BBS9: variants seen among roughly 807,000 people sequenced by gnomAD.
The protein encoded by BBS9 is Bardet-Biedl syndrome 9, also known as protein PTHB1.
In BBS9, 89 loss-of-function variants were observed where a neutral mutation model predicts 117.7. That is an observed-to-expected ratio of 0.76 (90% CI 0.64 to 0.90). The LOEUF (loss-of-function observed/expected upper bound fraction) is 0.90, where lower values mean the gene tolerates loss of function less well. BBS9 is among the 40% of genes least tolerant of loss of function. The probability of loss-of-function intolerance (pLI) is 0.00; values close to 1 mark genes in which losing one functional copy is unlikely to be tolerated. For missense variants in BBS9, 982 were observed against 1,042.2 expected (o/e 0.94, Z 0.80); for synonymous variants, 379 against 370.9 (o/e 1.02, Z -0.25).
intron 19 of BBS9, among the ~76,000 whole-genome samples, chr7:33,454,196 G>A (rs1358918451): frequency 6.6e-6 from 1 of 152,166 alleles, no homozygotes; most frequent in East Asian, 1.9e-4. Context: ...GATGCTTTGG[G>A]CTTTAAATAA....
intron 9 of BBS9, among the ~76,000 whole-genome samples, chr7:33,316,668 T>G (rs2128567249): frequency 6.6e-6 from 1 of 152,324 alleles, no homozygotes; most frequent in African/African-American, 2.4e-5. Flanking sequence ...TTTTCGTGGC[T>G]TATTGGCCAT....
intron 19 of BBS9, among the ~76,000 whole-genome samples, chr7:33,495,627 T>A (rs989849891): frequency 6.6e-6 from 1 of 152,122 alleles, no homozygotes; most frequent in Non-Finnish European, 1.5e-5. Flanking sequence ...CCTGATTCCA[T>A]CAATTATTAT....
chr7:33,362,506 A>G (rs1458070324), intron 16 of BBS9, among the ~76,000 whole-genome samples: 1 of 152,022 alleles, frequency 6.6e-6, no homozygotes, highest in Non-Finnish European at 1.5e-5. Flanking sequence ...TTACAGCACT[A>G]TTTTTCAGAC....
intron 5 of BBS9, 93 bp downstream of exon 5, chr7:33,177,684 A>G: frequency 1.1e-6 from 1 of 925,496 alleles, no homozygotes; most frequent in Non-Finnish European, 1.7e-6. Context: ...TTTGACTCTC[A>G]GAAAGAGTTA....
chr7:33,426,678 A>G (rs912896542), intron 19 of BBS9, among the ~76,000 whole-genome samples: 8 of 151,948 alleles, frequency 5.3e-5, no homozygotes, highest in African/African-American at 1.7e-4. Context: ...AAAAAAAAAA[A>G]CGGAGTTTTT....
At chr7:33,608,545 GT>G (rs1194566616), downstream of BBS9, among the ~76,000 whole-genome samples, 5 of 151,956 alleles carry the variant, frequency 3.3e-5, no homozygotes, top group African/African-American at 1.2e-4. Context: ...GCCAGCTATT[GT>G]TTTTTGACTT....
chr7:33,240,599 C>A lies in BBS9; in HGVS notation c.443-16637C>A, dbSNP rs534052067. On this transcript the variant is annotated intron_variant, in intron 5 of 22. Transcript: ENST00000242067. ...ATGTTATTTTTGCTCCTTTTCACTTCCCCCTTGAACTTTAAAAGATAGTTT... is the reference window on the plus strand; with the variant it reads ...ATGTTATTTTTGCTCCTTTTCACTTACCCCTTGAACTTTAAAAGATAGTTT... Among the ~76,000 whole-genome samples, 6 of 152,160 alleles carry A rather than the reference C, an allele frequency of 3.9e-5. No individual in the cohort carries two copies. The South Asian group carries it at 1.2e-3, about 32-fold the overall frequency.
At chr7:33,175,301 A>G (rs1797179022) in intron 4 of BBS9, among the ~76,000 whole-genome samples, 1 of 151,858 alleles carries the variant, frequency 6.6e-6, no homozygotes, top group Admixed American at 6.6e-5. Context: ...CTCTGTCTTT[A>G]AAAAATAAAA....
rs558146958 is a variant in BBS9 at position 33,531,218 on chromosome 7, C to T, written c.2299-2736C>T. 5.9e-5 allele frequency among the ~76,000 whole-genome samples: 9 copies of T among 152,282 alleles called. No individual in the cohort carries two copies. The South Asian group carries it at 1.4e-3, about 25-fold the overall frequency. On this transcript the variant is annotated intron_variant, in intron 20 of 22. Coordinates refer to ENST00000242067, the MANE Select transcript of BBS9 (RefSeq NM_198428.3). ...TGAGATCACGCCATTGCACTCTAGC[C>T]TGGGCAACAAGAGCTAAACTCTGTC...
chr7:33,192,498 G>C (rs1784292329), intron 5 of BBS9, among the ~76,000 whole-genome samples: 1 of 152,146 alleles, frequency 6.6e-6, no homozygotes, highest in Non-Finnish European at 1.5e-5. Flanking sequence ...TTTGGGGAAA[G>C]ACCTCTTGAA....
At chr7:33,617,203 C>A (rs1865184360) in intron 21 of BBS9, among the ~76,000 whole-genome samples, 1 of 151,756 alleles carries the variant, frequency 6.6e-6, no homozygotes. Context: ...CTTAATGAAT[C>A]AAAAAACAAG....
At chr7:33,303,214 G>A (rs1806879248) in intron 9 of BBS9, among the ~76,000 whole-genome samples, 1 of 152,238 alleles carries the variant, frequency 6.6e-6, no homozygotes, top group East Asian at 1.9e-4. Flanking sequence ...TGCCAATAAG[G>A]ATAATTTCAC....
intron 9 of BBS9, among the ~76,000 whole-genome samples, chr7:33,323,878 C>T (rs1334096501): frequency 7.2e-6 from 1 of 138,982 alleles, no homozygotes; most frequent in East Asian, 2.1e-4. Context: ...TGCTCTGTCA[C>T]CCAGGCTGGA....
intron 20 of BBS9, among the ~76,000 whole-genome samples, chr7:33,519,667 C>T (rs770080017): frequency 1.6e-4 from 25 of 151,900 alleles, no homozygotes; most frequent in Admixed American, 2.6e-4. Context: ...TTTGGTTCTG[C>T]GAATATGTTA....
chr7:33,311,118 A>G (rs1327057745), intron 9 of BBS9, among the ~76,000 whole-genome samples: 1 of 152,214 alleles, frequency 6.6e-6, no homozygotes, highest in Non-Finnish European at 1.5e-5. Context: ...CCTGAACCAG[A>G]CAAAGATCCT....
At chr7:33,442,541 AGT>A (rs1388882425) in intron 19 of BBS9, among the ~76,000 whole-genome samples, 3 of 152,218 alleles carry the variant, frequency 2.0e-5, no homozygotes, top group Non-Finnish European at 4.4e-5. Context: ...AATGTTAGAA[AGT>A]GTTTTTTAAA....
At chr7:33,232,265 T>A (rs1792603836) in intron 5 of BBS9, among the ~76,000 whole-genome samples, 1 of 152,272 alleles carries the variant, frequency 6.6e-6, no homozygotes, top group Middle Eastern at 3.4e-3. Context: ...TAAAGTTATA[T>A]CATTTTAAAA....
chr7:33,624,461 C>T (rs1342951760), intron 21 of BBS9, among the ~76,000 whole-genome samples: 1 of 152,148 alleles, frequency 6.6e-6, no homozygotes, highest in Non-Finnish European at 1.5e-5. Flanking sequence ...ATCCTGTAAA[C>T]ATTCTGTTTG....
intron 20 of BBS9, among the ~76,000 whole-genome samples, chr7:33,533,503 G>C (rs578056581): frequency 1.2e-4 from 18 of 152,282 alleles, no homozygotes; most frequent in Admixed American, 5.2e-4. Context: ...GTTTCCCCCA[G>C]GGTATCCAAA....
Sources: allele counts gnomAD v4.1 joint callset (sites outside exome capture counted in the v4.1 genomes callset), GRCh38; gene constraint gnomAD v4.1.1; transcripts MANE v1.5; gene names NCBI Gene and HGNC (gene_info 2026-07-23, HGNC 2026-07-21).